Variants in CTDSPL observed in about 807,000 individuals in gnomAD.
CTDSPL encodes CTD small phosphatase like, also known as CTD small phosphatase-like protein.
CTDSPL carries 8 observed loss-of-function variants against 30.5 expected under a neutral mutation model. The observed-to-expected ratio is 0.26, with a 90% CI of 0.15 to 0.47. The LOEUF (loss-of-function observed/expected upper bound fraction) is 0.47. CTDSPL is among the 20% of genes least tolerant of loss of function. The pLI is 0.99. For synonymous variants in CTDSPL, 110 were observed against 137.9 expected, an observed-to-expected ratio of 0.80 and a Z score of 1.42; for missense variants, 248 against 366.1, an observed-to-expected ratio of 0.68 and a Z score of 2.63.
intron 1 of CTDSPL, among the ~76,000 whole-genome samples, chr3:37,892,476 C>T (rs975225779): frequency 6.6e-6 from 1 of 152,080 alleles, no homozygotes; most frequent in African/African-American, 2.4e-5. Context: ...GCATCATCAC[C>T]ATTAAAATGG....
chr3:37,896,793 C>T (rs1698395024), intron 1 of CTDSPL, among the ~76,000 whole-genome samples: 1 of 152,150 alleles, frequency 6.6e-6, no homozygotes, highest in South Asian at 2.1e-4. Flanking sequence ...CCCACCTCGA[C>T]CTCCCCAAGT....
At chr3:37,978,547 G>C (rs949416519) in intron 7 of CTDSPL, among the ~76,000 whole-genome samples, 2 of 152,160 alleles carry the variant, frequency 1.3e-5, no homozygotes, top group Admixed American at 1.3e-4. Context: ...TGTGTATCAT[G>C]TGCCTGTGTT....
At chr3:37,902,971 A>C (rs1698469226) in intron 1 of CTDSPL, among the ~76,000 whole-genome samples, 1 of 152,232 alleles carries the variant, frequency 6.6e-6, no homozygotes, top group Admixed American at 6.5e-5. Flanking sequence ...CTGTGCTCCA[A>C]GAAACACCGT....
intron 5 of CTDSPL, chr3:37,968,201 C>A: frequency 2.2e-6 from 1 of 463,070 alleles, no homozygotes; most frequent in Non-Finnish European, 4.2e-6. Flanking sequence ...TAATTGCTTT[C>A]GGCTACTCTC....
At chr3:37,949,373 A>T (rs554603537) in intron 2 of CTDSPL, among the ~76,000 whole-genome samples, 2 of 152,344 alleles carry the variant, frequency 1.3e-5, no homozygotes, top group African/African-American at 4.8e-5. Flanking sequence ...ACCATCCAGC[A>T]TAGATTATAA....
At chr3:37,903,347 C>T (rs950934667) in intron 1 of CTDSPL, among the ~76,000 whole-genome samples, 10 of 152,160 alleles carry the variant, frequency 6.6e-5, no homozygotes, top group Admixed American at 2.0e-4. Context: ...TTTGAAACAG[C>T]GATCCATTTG....
intron 1 of CTDSPL, among the ~76,000 whole-genome samples, chr3:37,893,111 T>G (rs1413351246): frequency 6.6e-6 from 1 of 152,228 alleles, no homozygotes; most frequent in East Asian, 1.9e-4. Flanking sequence ...GTGGACTTCC[T>G]GCTGCAGGAC....
intron 6 of CTDSPL, among the ~76,000 whole-genome samples, chr3:37,974,581 G>A (rs1055479662): frequency 1.3e-5 from 2 of 152,184 alleles, no homozygotes; most frequent in Non-Finnish European, 2.9e-5. Context: ...CACTCTTTTA[G>A]GTATCTTCAG....
chr3:37,902,747 C>T (rs1559628932), intron 1 of CTDSPL, among the ~76,000 whole-genome samples: 1 of 152,072 alleles, frequency 6.6e-6, no homozygotes, highest in South Asian at 2.1e-4. Context: ...AACAACACTG[C>T]AGTTAGACAG....
rs192924406 is a variant in CTDSPL, at chr3:37,862,714, G to C, written c.79+436G>C. Among the ~76,000 whole-genome samples, 1 of 152,196 alleles carries C rather than the reference G, an allele frequency of 6.6e-6. No homozygotes were observed. Among genetic ancestry groups the C allele is most frequent in the African/African-American group, 2.4e-5 (1 of 41,452 alleles). ...TGCGCACCTAACGGAGATGTTGTGA[G>C]TGCTTTTTTTCCTGACAGGCTGTGA... On this transcript the variant is annotated intron_variant, in intron 1 of 7. Coordinates refer to ENST00000273179, the MANE Select transcript of CTDSPL (RefSeq NM_001008392.2). The surrounding 1 kb of genome is among the most constrained non-coding windows in gnomAD (Gnocchi z 4.3).
intron 1 of CTDSPL, chr3:37,944,616 C>G (rs539395140): frequency 1.3e-5 from 2 of 150,428 alleles, no homozygotes; most frequent in African/African-American, 4.8e-5. Context: ...ACCCTTCCCA[C>G]TTCTCCTATT....
chr3:37,910,042 A>G (rs928793928), intron 1 of CTDSPL, among the ~76,000 whole-genome samples: 30 of 152,186 alleles, frequency 2.0e-4, no homozygotes, highest in Non-Finnish European at 2.9e-5. Context: ...CTTAACTTCT[A>G]TGCTTCAATT....
At chr3:37,877,121 A>AT (rs1220790680) in intron 1 of CTDSPL, among the ~76,000 whole-genome samples, 1 of 151,818 alleles carries the variant, frequency 6.6e-6, no homozygotes, top group Admixed American at 6.6e-5. Flanking sequence ...AAAAAAAAAA[A>AT]AATTGATCGT....
rs1052845220 is a variant in CTDSPL at position 37,862,524 on chromosome 3, G to C, written c.79+246G>C. Among the ~76,000 whole-genome samples the C allele has an allele frequency of 6.6e-6, 1 of 152,170 alleles. No homozygotes were observed. The highest frequency in any genetic ancestry group is 1.5e-5 in the Non-Finnish European group (1 of 68,032). ...TGTGTGTGCATCTAACCGGGAGGTT[G>C]TGAGTTTGTGTGCGCGCACGCCCGC... is the stretch of plus-strand genomic sequence containing the variant. On this transcript the variant is annotated intron_variant, in intron 1 of 7. Coordinates refer to ENST00000273179, the MANE Select transcript of CTDSPL (RefSeq NM_001008392.2). This position sits in a 1 kb window ranked among gnomAD's most constrained non-coding sequence, Gnocchi z 4.3.
chr3:37,908,227 AAGT>A (rs1698540150), intron 1 of CTDSPL, among the ~76,000 whole-genome samples: 1 of 152,250 alleles, frequency 6.6e-6, no homozygotes. Context: ...AGCCCCCGCC[AAGT>A]GGGCGAATGT....
At chr3:37,963,803 T>A (rs1200367291) in intron 3 of CTDSPL, among the ~76,000 whole-genome samples, 1 of 152,082 alleles carries the variant, frequency 6.6e-6, no homozygotes, top group Non-Finnish European at 1.5e-5. Context: ...ATAAATAGAT[T>A]GTTTGGTCAA....
chr3:37,900,468 G>T (rs1239831730), intron 1 of CTDSPL, among the ~76,000 whole-genome samples: 1 of 152,134 alleles, frequency 6.6e-6, no homozygotes, highest in Non-Finnish European at 1.5e-5. Context: ...TTGATACAAA[G>T]ATTTGAAGAA....
At chr3:37,959,342 C>T (rs1262307004) in intron 3 of CTDSPL, among the ~76,000 whole-genome samples, 1 of 152,162 alleles carries the variant, frequency 6.6e-6, no homozygotes, top group Non-Finnish European at 1.5e-5. Context: ...GGATTAACAC[C>T]TGTGGGAATA....
At chr3:37,900,266 G>T (rs1238979411) in intron 1 of CTDSPL, among the ~76,000 whole-genome samples, 1 of 152,184 alleles carries the variant, frequency 6.6e-6, no homozygotes, top group Non-Finnish European at 1.5e-5. Flanking sequence ...TGTGAAAATT[G>T]TTTGGCCGGA....
Sources: allele counts gnomAD v4.1 joint callset (sites outside exome capture counted in the v4.1 genomes callset), GRCh38; gene constraint gnomAD v4.1.1; non-coding constraint Gnocchi (gnomAD v3.1); transcripts MANE v1.5; gene names NCBI Gene and HGNC (gene_info 2026-07-23, HGNC 2026-07-21).